The following KCNAB1 variants were observed in gnomAD, a reference collection of about 807,000 sequenced individuals.
The protein encoded by KCNAB1 is voltage-gated potassium channel subunit beta-1.
A neutral mutation model predicts 64.6 loss-of-function variants in KCNAB1; 35 were observed. That is an observed-to-expected ratio of 0.54 (90% CI 0.41 to 0.72). The LOEUF is 0.72. Ranked by LOEUF, KCNAB1 falls within the 30% of genes least tolerant of loss-of-function variation. The pLI, the probability that KCNAB1 is intolerant of heterozygous loss-of-function variation, is 0.00. For missense variants in KCNAB1, 401 were observed against 512.9 expected, an observed-to-expected ratio of 0.78 and a Z score of 2.11; for synonymous variants, 177 against 183.8, an observed-to-expected ratio of 0.96 and a Z score of 0.30.
intron 12 of KCNAB1, among the ~76,000 whole-genome samples, chr3:156,525,365 CAA>C (rs550499142): frequency 1.0e-5 from 1 of 98,944 alleles, no homozygotes; most frequent in African/African-American, 3.7e-5. Flanking sequence ...TAGTTTTTAA[CAA>C]AAAAAAAAAA....
intron 1 of KCNAB1, among the ~76,000 whole-genome samples, chr3:156,127,623 C>T (rs1713733599): frequency 6.6e-6 from 1 of 152,130 alleles, no homozygotes; most frequent in African/African-American, 2.4e-5. Context: ...TAGTAGCAGC[C>T]TCTGGGGAGG....
intron 2 of KCNAB1, among the ~76,000 whole-genome samples, chr3:156,445,799 A>G (rs1711511550): frequency 6.6e-6 from 1 of 152,234 alleles, no homozygotes; most frequent in South Asian, 2.1e-4. Flanking sequence ...AGTGTGGTCA[A>G]TATGGTAATA....
At chr3:156,195,560 T>C (rs948971962) in intron 1 of KCNAB1, among the ~76,000 whole-genome samples, 1 of 152,256 alleles carries the variant, frequency 6.6e-6, no homozygotes, top group Non-Finnish European at 1.5e-5. Context: ...TTGTTTCATA[T>C]GTTTGTTGGC....
intron 9 of KCNAB1, 58 bp from the exon 10 acceptor site, chr3:156,515,042 A>G (rs774880473): frequency 2.2e-5 from 33 of 1,491,708 alleles, no homozygotes; most frequent in Admixed American, 1.1e-4. Context: ...CATACAAATT[A>G]CAGCGAAGCC....
chr3:156,459,051 C>T (rs1559894837), intron 4 of KCNAB1, among the ~76,000 whole-genome samples: 3 of 152,230 alleles, frequency 2.0e-5, no homozygotes, highest in South Asian at 4.1e-4. Flanking sequence ...AGCCATGACT[C>T]CCATCCATAG....
intron 1 of KCNAB1, among the ~76,000 whole-genome samples, chr3:156,277,898 C>T (rs1331722076): frequency 1.3e-5 from 2 of 152,142 alleles, no homozygotes; most frequent in Admixed American, 1.3e-4. Context: ...CTTGCCAATA[C>T]TTGTTATCTC....
intron 1 of KCNAB1, among the ~76,000 whole-genome samples, chr3:156,304,985 C>T (rs180915391): frequency 6.6e-6 from 1 of 151,846 alleles, no homozygotes; most frequent in East Asian, 1.9e-4. Flanking sequence ...CACACACATA[C>T]ATGAGGTCAT....
At chr3:156,278,062 T>C (rs1276293304) in intron 1 of KCNAB1, among the ~76,000 whole-genome samples, 1 of 152,210 alleles carries the variant, frequency 6.6e-6, no homozygotes, top group Non-Finnish European at 1.5e-5. Flanking sequence ...TTACAGAATT[T>C]CATAGGATCT....
rs1719114181 is a variant in KCNAB1, at chr3:156,537,175, TGA to T, written c.*433_*434del. 3 of 397,874 alleles carry T rather than the reference TGA, an allele frequency of 7.5e-6. No individual in the cohort carries two copies. The highest frequency in any genetic ancestry group is 8.9e-6 in the Non-Finnish European group (2 of 225,844). 24.6% of individuals were successfully genotyped at this position (397,874 alleles called of 1,614,324 possible). ...ACTAAATTCAGTGAAGGAAAGGAAT[TGA>T]GAGATTTTTCTTAGTAAATAGATTA... is the stretch of plus-strand genomic sequence containing the variant. On this transcript the variant is annotated 3_prime_UTR_variant, in exon 14 of 14. Coordinates refer to ENST00000490337, the MANE Select transcript of KCNAB1 (RefSeq NM_172160.3).
At chr3:156,174,515 C>T (rs1373662061) in intron 1 of KCNAB1, among the ~76,000 whole-genome samples, 1 of 152,174 alleles carries the variant, frequency 6.6e-6, no homozygotes, top group Admixed American at 6.5e-5. Context: ...GAATGCCATG[C>T]TTCTTTACTC....
At chr3:156,399,287 G>T (rs926137826) in intron 1 of KCNAB1, among the ~76,000 whole-genome samples, 1 of 152,090 alleles carries the variant, frequency 6.6e-6, no homozygotes, top group Non-Finnish European at 1.5e-5. Context: ...TGTGGAAAAC[G>T]TTCTTTCTAG....
At chr3:156,513,422 A>C (rs1264484945) in intron 8 of KCNAB1, among the ~76,000 whole-genome samples, 1 of 152,204 alleles carries the variant, frequency 6.6e-6, no homozygotes, top group Non-Finnish European at 1.5e-5. Flanking sequence ...CATTTAACTG[A>C]CTGGTATTAC....
At chr3:156,464,986 A>G (rs1414105036) in intron 6 of KCNAB1, among the ~76,000 whole-genome samples, 1 of 152,160 alleles carries the variant, frequency 6.6e-6, no homozygotes, top group Non-Finnish European at 1.5e-5. Flanking sequence ...TGAATGGTAA[A>G]TATTATATTT....
At chr3:156,408,379 C>T (rs1023059379) in intron 1 of KCNAB1, among the ~76,000 whole-genome samples, 4 of 152,160 alleles carry the variant, frequency 2.6e-5, no homozygotes, top group South Asian at 2.1e-4. Flanking sequence ...GGGACCCTGG[C>T]GCATTACCTA....
chr3:156,193,440 G>T (rs1002942440), intron 1 of KCNAB1, among the ~76,000 whole-genome samples: 1 of 152,088 alleles, frequency 6.6e-6, no homozygotes, highest in Non-Finnish European at 1.5e-5. Context: ...CAAATGTAAG[G>T]GTTCTGAGCA....
chr3:156,285,801 G>A (rs566834338), intron 1 of KCNAB1, among the ~76,000 whole-genome samples: 7 of 152,146 alleles, frequency 4.6e-5, no homozygotes, highest in Admixed American at 3.3e-4. Context: ...CACCGCACCC[G>A]GTCTGAATTT....
At chr3:156,449,711 T>C (rs1221192255) in intron 2 of KCNAB1, among the ~76,000 whole-genome samples, 4 of 152,238 alleles carry the variant, frequency 2.6e-5, no homozygotes, top group Non-Finnish European at 1.5e-5. Flanking sequence ...TTTTATGGTA[T>C]CTTCATTTCT....
chr3:156,311,374 G>A (rs1721888837), intron 1 of KCNAB1, among the ~76,000 whole-genome samples: 1 of 152,206 alleles, frequency 6.6e-6, no homozygotes, highest in African/African-American at 2.4e-5. Flanking sequence ...AGTATGTGTT[G>A]TGAGAAAATA....
intron 1 of KCNAB1, among the ~76,000 whole-genome samples, chr3:156,248,558 T>C (rs911090339): frequency 7.3e-5 from 11 of 150,768 alleles, no homozygotes; most frequent in African/African-American, 2.7e-4. Context: ...CAGATGTAAG[T>C]ACTATAGAAT....
Sources: gnomAD v4.1 joint callset for allele counts (sites outside exome capture counted in the v4.1 genomes callset) on GRCh38, gnomAD v4.1.1 for gene constraint, MANE v1.5 for transcripts, NCBI Gene and HGNC (gene_info 2026-07-23, HGNC 2026-07-21) for gene names.